GPHN: variants seen among roughly 807,000 people sequenced by gnomAD.
GPHN encodes the protein gephyrin.
Under a neutral mutation model 95.5 loss-of-function variants are expected in GPHN, and 17 were observed. The observed-to-expected ratio is 0.18, with a 90% CI of 0.12 to 0.27. The LOEUF (loss-of-function observed/expected upper bound fraction) is 0.27, where lower values mean the gene tolerates loss of function less well. GPHN is among the 10% of genes least tolerant of loss of function. GPHN has a pLI of 1.00. For synonymous variants in GPHN, 320 were observed against 322.5 expected, an observed-to-expected ratio of 0.99 and a Z score of 0.08; for missense variants, 660 against 978.1, an observed-to-expected ratio of 0.67 and a Z score of 4.34.
intron 2 of GPHN, among the ~76,000 whole-genome samples, chr14:66,752,767 G>A (rs2153448613): frequency 6.6e-6 from 1 of 152,044 alleles, no homozygotes; most frequent in Admixed American, 6.6e-5. Context: ...GACATGGGTT[G>A]CCAGAAACCT....
At chr14:66,711,502 C>T (rs571896844) in intron 2 of GPHN, among the ~76,000 whole-genome samples, 1 of 151,638 alleles carries the variant, frequency 6.6e-6, no homozygotes, top group Non-Finnish European at 1.5e-5. Flanking sequence ...CATAAACATG[C>T]GTGTCCAAGT....
At chr14:67,483,655 AC>A in the GPHN span, among the ~76,000 whole-genome samples, 1 of 152,072 alleles carries the variant, frequency 6.6e-6, no homozygotes, top group Non-Finnish European at 1.5e-5. Flanking sequence ...ACAGCAACCA[AC>A]CCTCAGGCCC....
the GPHN span, among the ~76,000 whole-genome samples, chr14:67,414,581 G>A: frequency 6.6e-6 from 1 of 152,198 alleles, no homozygotes; most frequent in Non-Finnish European, 1.5e-5. Context: ...TCCCCTTTTT[G>A]TCCCGAAGGG....
At chr14:66,642,095 A>C (rs1376580989) in intron 1 of GPHN, among the ~76,000 whole-genome samples, 2 of 152,180 alleles carry the variant, frequency 1.3e-5, no homozygotes, top group Admixed American at 1.3e-4. Context: ...CCAGTGTGGT[A>C]GGCAGAATAA....
At chr14:66,934,818 T>C (rs2067020255) in intron 8 of GPHN, among the ~76,000 whole-genome samples, 1 of 152,220 alleles carries the variant, frequency 6.6e-6, no homozygotes, top group Admixed American at 6.5e-5. Context: ...GCTTGACTTT[T>C]TGGTTACATG....
chr14:67,571,757 T>C, the GPHN span: 2 of 1,613,934 alleles, frequency 1.2e-6, no homozygotes, highest in South Asian at 1.1e-5. Context: ...TGCAGAGAGC[T>C]ACACAGATCA....
chr14:67,479,660 G>A, the GPHN span, among the ~76,000 whole-genome samples: 16 of 152,028 alleles, frequency 1.1e-4, no homozygotes, highest in Non-Finnish European at 2.2e-4. Flanking sequence ...GGAGGTTGCC[G>A]TGAGCCGAGA....
chr14:66,972,431 T>C (rs1482662722), intron 9 of GPHN, among the ~76,000 whole-genome samples: 1 of 152,014 alleles, frequency 6.6e-6, no homozygotes, highest in African/African-American at 2.4e-5. Context: ...ATTAGTTATT[T>C]CATTCTTTCA....
chr14:67,724,926 A>C, the GPHN span, among the ~76,000 whole-genome samples: 1 of 152,226 alleles, frequency 6.6e-6, no homozygotes, highest in Non-Finnish European at 1.5e-5. Context: ...AACTGACAGC[A>C]AGAAGACTGA....
At chr14:67,437,347 G>A in the GPHN span, among the ~76,000 whole-genome samples, 1 of 152,200 alleles carries the variant, frequency 6.6e-6, no homozygotes, top group Non-Finnish European at 1.5e-5. Context: ...CAGGTACAGC[G>A]ATGGGAAATA....
intron 1 of GPHN, among the ~76,000 whole-genome samples, chr14:66,566,548 C>T (rs1218038656): frequency 6.6e-6 from 1 of 152,090 alleles, no homozygotes. Flanking sequence ...TTCCCTACAC[C>T]ATGTTGACTT....
At chr14:67,659,644 A>G in the GPHN span, 1 of 1,346,992 alleles carries the variant, frequency 7.4e-7, no homozygotes, top group Non-Finnish European at 1.0e-6. Flanking sequence ...ATACACTGAT[A>G]ACATGAAATA....
intron 4 of GPHN, among the ~76,000 whole-genome samples, chr14:66,849,470 A>G (rs72728689): frequency 0.044 from 6,720 of 152,094 alleles, 189 homozygotes; most frequent in Middle Eastern, 0.068. Flanking sequence ...CCCTCTTAGA[A>G]TATGTACAAG....
At chr14:67,564,598 C>T in the GPHN span, among the ~76,000 whole-genome samples, 1 of 152,050 alleles carries the variant, frequency 6.6e-6, no homozygotes, top group Non-Finnish European at 1.5e-5. Context: ...GCTGGGACTA[C>T]AGGCATGCAC....
At chr14:67,030,336 T>C (rs2074135884) in intron 10 of GPHN, among the ~76,000 whole-genome samples, 1 of 152,210 alleles carries the variant, frequency 6.6e-6, no homozygotes, top group African/African-American at 2.4e-5. Context: ...TTATTCCTCA[T>C]CCTACAAGCA....
intron 2 of GPHN, among the ~76,000 whole-genome samples, chr14:66,754,994 CATT>C (rs1465995418): frequency 1.3e-5 from 2 of 152,016 alleles, no homozygotes; most frequent in African/African-American, 2.4e-5. Flanking sequence ...TCAAATAAAA[CATT>C]AATCAGCAGA....
intron 5 of GPHN, among the ~76,000 whole-genome samples, chr14:66,902,192 A>C (rs1054064819): frequency 7.9e-5 from 12 of 152,052 alleles, no homozygotes; most frequent in African/African-American, 2.9e-4. Flanking sequence ...GGTATATAGA[A>C]ATGCTACTGC....
the GPHN span, among the ~76,000 whole-genome samples, chr14:67,461,008 G>A: frequency 2.6e-5 from 4 of 152,094 alleles, no homozygotes; most frequent in Admixed American, 2.6e-4. Flanking sequence ...TGTGTAGAGA[G>A]GTTAAGTAAT....
chr14:67,316,854 G>C, the GPHN span: 3 of 1,611,526 alleles, frequency 1.9e-6, no homozygotes, highest in African/African-American at 4.0e-5. Flanking sequence ...AGCAGCAAAG[G>C]GAAGCCATGA....
Sources: allele counts gnomAD v4.1 joint callset (sites outside exome capture counted in the v4.1 genomes callset), GRCh38; gene constraint gnomAD v4.1.1; transcripts MANE v1.5; gene names NCBI Gene and HGNC (gene_info 2026-07-23, HGNC 2026-07-21).